PCDH11X: variants seen among roughly 807,000 people sequenced by gnomAD.
The protein encoded by PCDH11X is protocadherin 11 X-linked, also known as protocadherin-11 X-linked.
A neutral mutation model predicts 53.3 loss-of-function variants in PCDH11X; 18 were observed. The observed-to-expected ratio is 0.34, with a 90% CI of 0.23 to 0.50. The LOEUF (loss-of-function observed/expected upper bound fraction) is 0.50, where lower values mean the gene tolerates loss of function less well. Ranked by LOEUF, PCDH11X falls within the 20% of genes least tolerant of loss-of-function variation. PCDH11X has a pLI of 0.98. For missense variants in PCDH11X, 570 were observed against 1,032.4 expected (o/e 0.55, Z 6.14); for synonymous variants, 279 against 393.3 (o/e 0.71, Z 3.44).
intron 8 of PCDH11X, among the ~76,000 whole-genome samples, chrX:92,385,352 G>A (rs1603296737): frequency 9.7e-6 from 1 of 103,023 alleles, no homozygotes; most frequent in Admixed American, 1.0e-4. Context: ...TTTCACTGTG[G>A]GTTCTAGATA....
intron 6 of PCDH11X, among the ~76,000 whole-genome samples, chrX:92,021,146 C>T (rs781642248): frequency 9.0e-5 from 10 of 111,103 alleles, no homozygotes; most frequent in Middle Eastern, 9.3e-3. Flanking sequence ...ATGATCCCAA[C>T]GCCTTTCCAG....
At chrX:91,992,941 G>A (rs1318015130) in intron 6 of PCDH11X, among the ~76,000 whole-genome samples, 1 of 111,316 alleles carries the variant, frequency 9.0e-6, no homozygotes, top group African/African-American at 3.3e-5. Flanking sequence ...GTAGTTTGGG[G>A]CAGAGTTTGG....
intron 8 of PCDH11X, among the ~76,000 whole-genome samples, chrX:92,302,139 G>A (rs141001120): frequency 6.3e-5 from 7 of 111,616 alleles, no homozygotes; most frequent in East Asian, 5.7e-4. Flanking sequence ...CCTCTCAGCT[G>A]CATTTACCTG....
At chrX:92,263,616 G>A (rs1205227503) in intron 8 of PCDH11X, among the ~76,000 whole-genome samples, 2 of 111,568 alleles carry the variant, frequency 1.8e-5, no homozygotes, top group Non-Finnish European at 3.8e-5. Context: ...ACTGGGTTTT[G>A]GAATGTCATC....
chrX:92,408,879 G>T (rs1603303249), intron 9 of PCDH11X, among the ~76,000 whole-genome samples: 2 of 106,798 alleles, frequency 1.9e-5, no homozygotes, highest in African/African-American at 3.5e-5. Context: ...ACTGCGCCCA[G>T]CCAAGAAATA....
chrX:92,566,210 T>A (rs763661138), intron 10 of PCDH11X, among the ~76,000 whole-genome samples: 160 of 110,029 alleles, frequency 1.5e-3, no homozygotes, highest in African/African-American at 5.1e-3. Context: ...ATATCACAAA[T>A]TTATTTAAGC....
intron 6 of PCDH11X, among the ~76,000 whole-genome samples, chrX:92,098,312 T>C (rs1195284261): frequency 8.9e-6 from 1 of 111,783 alleles, no homozygotes; most frequent in African/African-American, 3.2e-5. Context: ...ACTCCAATGA[T>C]AGGTAAGCAC....
chrX:92,548,505 A>G (rs1304628673), intron 10 of PCDH11X, among the ~76,000 whole-genome samples: 1 of 111,821 alleles, frequency 8.9e-6, no homozygotes, highest in Non-Finnish European at 1.9e-5. Flanking sequence ...CTGGCATCTT[A>G]TCATCAGCAT....
chrX:92,089,934 A>T (rs2148117117), intron 6 of PCDH11X, among the ~76,000 whole-genome samples: 1 of 105,967 alleles, frequency 9.4e-6, no homozygotes, highest in Non-Finnish European at 1.9e-5. Flanking sequence ...CTGATTCAGT[A>T]TTTTAATAAC....
intron 6 of PCDH11X, among the ~76,000 whole-genome samples, chrX:92,195,691 G>T (rs1289764271): frequency 1.8e-5 from 2 of 111,697 alleles, no homozygotes; most frequent in East Asian, 5.6e-4. Flanking sequence ...TTAACCCGGG[G>T]TTGAGTCATT....
intron 8 of PCDH11X, among the ~76,000 whole-genome samples, chrX:92,339,381 C>T (rs1318636987): frequency 8.9e-6 from 1 of 112,145 alleles, no homozygotes; most frequent in Non-Finnish European, 1.9e-5. Flanking sequence ...CAACTAAGTC[C>T]TCTAAAGCAA....
At chrX:92,394,502 A>C (rs755459063) in intron 9 of PCDH11X, among the ~76,000 whole-genome samples, 142 of 110,774 alleles carry the variant, frequency 1.3e-3, no homozygotes, top group African/African-American at 4.5e-3. Flanking sequence ...TCTTGCTTCT[A>C]AATTTTATTA....
intron 10 of PCDH11X, among the ~76,000 whole-genome samples, chrX:92,502,786 C>G (rs776490505): frequency 9.0e-6 from 1 of 111,597 alleles, no homozygotes; most frequent in East Asian, 2.8e-4. Flanking sequence ...CAATACCATT[C>G]AGGACATAGC....
intron 10 of PCDH11X, among the ~76,000 whole-genome samples, chrX:92,554,462 G>A (rs12846933): frequency 0.4 from 43,158 of 108,613 alleles, 6,522 homozygotes; most frequent in South Asian, 0.49. Context: ...GGGGAAAATG[G>A]CATAACCTAG....
At chrX:92,169,807 T>C (rs970064068) in intron 6 of PCDH11X, among the ~76,000 whole-genome samples, 3 of 110,416 alleles carry the variant, frequency 2.7e-5, no homozygotes, top group Non-Finnish European at 5.7e-5. Context: ...TCAGAAAAAA[T>C]GTATGTACTG....
At chrX:92,369,709 C>T (rs183740305) in intron 8 of PCDH11X, among the ~76,000 whole-genome samples, 168 of 111,635 alleles carry the variant, frequency 1.5e-3, no homozygotes, top group African/African-American at 5.1e-3. Flanking sequence ...GTAACATGGC[C>T]GTGTAGCACA....
intron 6 of PCDH11X, among the ~76,000 whole-genome samples, chrX:92,165,166 A>G (rs1327156278): frequency 1.8e-5 from 2 of 111,864 alleles, no homozygotes; most frequent in Non-Finnish European, 3.8e-5. Context: ...AAATAAATCA[A>G]TAATTTTAAG....
chrX:92,037,823 G>A (rs771458517), intron 6 of PCDH11X, among the ~76,000 whole-genome samples: 1 of 108,379 alleles, frequency 9.2e-6, no homozygotes, highest in Non-Finnish European at 1.9e-5. Context: ...GTGTATGTTT[G>A]TTGGCCACAT....
At chrX:92,294,429 C>A (rs1320756420) in intron 8 of PCDH11X, among the ~76,000 whole-genome samples, 1 of 112,146 alleles carries the variant, frequency 8.9e-6, no homozygotes, top group East Asian at 2.8e-4. Flanking sequence ...AGGCTGTGAG[C>A]CACTGTGCCC....
Sources: allele counts gnomAD v4.1 joint callset (sites outside exome capture counted in the v4.1 genomes callset), GRCh38; gene constraint gnomAD v4.1.1; transcripts MANE v1.5; gene names NCBI Gene and HGNC (gene_info 2026-07-23, HGNC 2026-07-21).